The following PLEKHH3 variants were observed in gnomAD, a reference collection of about 807,000 sequenced individuals.
The protein encoded by PLEKHH3 is pleckstrin homology domain-containing family H member 3.
PLEKHH3 carries 57 observed loss-of-function variants against 77.8 expected under a neutral mutation model. That is an observed-to-expected ratio of 0.73 (90% confidence interval 0.59 to 0.91). The LOEUF (loss-of-function observed/expected upper bound fraction) is 0.91, where lower values mean the gene tolerates loss of function less well. PLEKHH3 is among the 40% of genes least tolerant of loss of function. The probability of loss-of-function intolerance (pLI) is 0.00; values close to 1 mark genes in which losing one functional copy is unlikely to be tolerated. For missense variants in PLEKHH3, 1,082 were observed against 1,091.2 expected (o/e 0.99, Z 0.12); for synonymous variants, 467 against 504.8 (o/e 0.93, Z 1.00).
intron 9 of PLEKHH3, 138 bp downstream of exon 9, chr17:42,670,856 C>G: frequency 6.6e-7 from 1 of 1,515,534 alleles, no homozygotes; most frequent in Non-Finnish European, 8.9e-7. Flanking sequence ...AAACCTGCGG[C>G]GGGCAGGTCC....
chr17:42,673,500 G>C lies in PLEKHH3; in HGVS notation c.547C>G (p.Arg183Gly), dbSNP rs748154829. 6.2e-7 allele frequency: 1 copy of C among 1,608,414 alleles called. No homozygotes were observed. The highest frequency in any genetic ancestry group is 8.5e-7 in the Non-Finnish European group (1 of 1,177,938). Residue 183 changes from arginine (R) to glycine (G), a missense_variant, in exon 5 of 13, where the codon CGC (arginine) becomes GGC (glycine). Transcript: ENST00000591022. ...RKHSVRLCSP[R>G]QAEAERWGVA... ...CCCCAGCGCTCAGCCTCTGCCTGGC[G>C]TGGGGAGCAGAGGCGGACACTGTGT...
Position 42,672,360 on chromosome 17 carries a change from C to T in PLEKHH3, c.802G>A (p.Val268Met), listed in dbSNP as rs2052722748. The T allele has an allele frequency of 5.8e-6, 9 of 1,540,402 alleles. No individual in the cohort carries two copies. Among genetic ancestry groups the T allele is most frequent in the African/African-American group, 2.7e-5 (2 of 72,994 alleles). ...PGYAPLREEA[V>M]RLFLALQALE... ...GCCTGCAGCGCCAAGAACAGCCGCA[C>T]CGCCTCCTCGCGCAGGGGTGCATAG... Residue 268 changes from valine to methionine, a missense_variant, in exon 7 of 13, where the codon GTG (valine) becomes ATG (methionine). By Grantham distance (21) the Val-to-Met change is conservative. Coordinates refer to ENST00000591022, the MANE Select transcript of PLEKHH3 (RefSeq NM_024927.5).
chr17:42,670,445 T>C, intron 10 of PLEKHH3, 69 bp from the exon 11 acceptor site: 10 of 1,464,840 alleles, frequency 6.8e-6, no homozygotes, highest in Non-Finnish European at 9.0e-6. Context: ...CCTCGCGGAA[T>C]CTGAGCAGGT....
Position 42,676,234 on chromosome 17 carries a change from G to C in PLEKHH3, c.162+168C>G. 1 of 1,397,720 alleles carries C rather than the reference G, an allele frequency of 7.2e-7. No individual in the cohort carries two copies. Among genetic ancestry groups the C allele is most frequent in the Non-Finnish European group, 9.4e-7 (1 of 1,063,458 alleles). 86.6% of individuals were successfully genotyped at this position (1,397,720 alleles called of 1,614,324 possible). A position where few individuals can be genotyped will look rare whatever the true frequency, so the allele number is the denominator to read the frequency against. On this transcript the variant is annotated intron_variant, in intron 1 of 12. Coordinates refer to ENST00000591022, the MANE Select transcript of PLEKHH3 (RefSeq NM_024927.5). This position sits in a 1 kb window ranked among gnomAD's most constrained non-coding sequence, Gnocchi z 6.6. ...AGGCCCACAGGCACATCCCGAGTAG[G>C]GCTGCTGCTCCGAGAGCTCCCGGGG...
chr17:42,671,554 C>G lies in PLEKHH3; in HGVS notation c.1081G>C (p.Glu361Gln), dbSNP rs1302673021. 1.2e-6 allele frequency: 2 copies of G among 1,608,478 alleles called. No homozygotes were observed. The highest frequency in any genetic ancestry group is 1.7e-4 in the Middle Eastern group (1 of 6,056). ...GHLLGHLERT[E>Q]QALPDSELAE... ...AGTTCCGAGTCCGGGAGTGCCTGCTCGGTCCTGGGTTAGGAGGAACCCAGG... is the reference window on the plus strand; with the variant it reads ...AGTTCCGAGTCCGGGAGTGCCTGCTGGGTCCTGGGTTAGGAGGAACCCAGG... Residue 361 changes from glutamate to glutamine, a missense_variant, in exon 8 of 13, where the codon GAG becomes CAG. Coordinates refer to ENST00000591022, the MANE Select transcript of PLEKHH3 (RefSeq NM_024927.5). The surrounding 1 kb of genome is among the most constrained non-coding windows in gnomAD (Gnocchi z 4.7).
In PLEKHH3 at chr17:42,670,020, T is replaced by C. The variant is rs753196679; in HGVS notation, c.1911A>G (p.Leu637=). The part of the protein sequence containing the change: ...AAAVLGGWKR[L]RGMGRAEAMA... ...TGGCCTCAGCTCGGCCCATGCCCCG[T>C]AGCCGCTTCCAGCCGCCCAGCACGG... is the stretch of plus-strand genomic sequence containing the variant. Residue 637 remains leucine (L), a synonymous_variant, in exon 11 of 13, where the codon CTA becomes CTG. Transcript: ENST00000591022. 6.9e-6 allele frequency: 11 copies of C among 1,583,012 alleles called. No individual in the cohort carries two copies. The highest frequency in any genetic ancestry group is 1.7e-4 in the Middle Eastern group (1 of 6,018).
Position 42,671,028 on chromosome 17 carries a change from TC to T in PLEKHH3, c.1386del (p.Thr463ProfsTer207). ...RGAQERALAGGTLVADVLTRF... is the reference protein window; with the variant it reads ...RGAQERALAGXTLVADVLTRF... ...CTGGTGAGCACGTCGGCCACGAGGG[TC>T]CCCCCAGCCAGGGCTCGCTCCTGGG... On this transcript the variant is annotated frameshift_variant, in exon 9 of 13. Transcript: ENST00000591022. LOFTEE classifies it high-confidence loss of function. This position sits in a 1 kb window ranked among gnomAD's most constrained non-coding sequence, Gnocchi z 4.7. The T allele has an allele frequency of 6.2e-7, 1 of 1,610,418 alleles. No homozygotes were observed. The highest frequency in any genetic ancestry group is 1.1e-5 in the South Asian group (1 of 90,844).
In PLEKHH3 at chr17:42,671,112, C is replaced by G. The variant is rs150495136; in HGVS notation, c.1303G>C (p.Gly435Arg). Residue 435 changes from glycine (G) to arginine (R), a missense_variant, in exon 9 of 13, where the codon GGG becomes CGG. Gly to Arg is a moderately radical substitution (Grantham distance 125). Transcript: ENST00000591022. The surrounding 1 kb of genome is among the most constrained non-coding windows in gnomAD (Gnocchi z 4.7). ...CGGCTCCGGGCCAAGCCCAGCCGCC[C>G]CACCAGCTCTCGAGCCACCTAGAAG... ...TAGEVARELV[G>R]RLGLARSRNA... 8.9e-5 allele frequency: 141 copies of G among 1,590,928 alleles called. No individual in the cohort carries two copies. In the African/African-American group the frequency reaches 1.6e-3, roughly 18 times the overall value.
At position 42,670,114 on chromosome 17, in the gene PLEKHH3, C is replaced by T; in HGVS notation, c.1817G>A (p.Arg606His). ...LAKRRAERAR[R>H]GGAGRTAGSI... Reference sequence around the variant, plus strand: ...TCCCGCAGTGCGGCCGGCCCCGCCGCGCCGGGCCCGCTCCGCCCGCCTCTT... The same window carrying T: ...TCCCGCAGTGCGGCCGGCCCCGCCGTGCCGGGCCCGCTCCGCCCGCCTCTT... The change falls in exon 11 of 13, where the codon CGC becomes CAC. Residue 606 changes from arginine to histidine, a missense_variant. Transcript: ENST00000591022. 1 of 1,307,420 alleles carries T rather than the reference C, an allele frequency of 7.6e-7. No individual in the cohort carries two copies. Among genetic ancestry groups the T allele is most frequent in the Non-Finnish European group, 9.7e-7 (1 of 1,036,012 alleles). The allele number at this position is 1,307,420 out of a possible 1,614,324, so 81.0% of individuals were successfully genotyped here. A position where few individuals can be genotyped will look rare whatever the true frequency, so the allele number is the denominator to read the frequency against.
chr17:42,676,084 G>A lies in PLEKHH3; in HGVS notation c.162+318C>T. Reference sequence around the variant, plus strand: ...CACATTCCTCGGCGCTGGCGGAGGCGGAAGGAGACGGGATGGGACGCGGGC... The same window carrying A: ...CACATTCCTCGGCGCTGGCGGAGGCAGAAGGAGACGGGATGGGACGCGGGC... On this transcript the variant is annotated intron_variant, in intron 1 of 12. Transcript: ENST00000591022. This position sits in a 1 kb window ranked among gnomAD's most constrained non-coding sequence, Gnocchi z 6.6. The A allele has an allele frequency of 8.2e-7, 1 of 1,212,232 alleles. No individual in the cohort carries two copies. Among genetic ancestry groups the A allele is most frequent in the Non-Finnish European group, 1.0e-6 (1 of 971,324 alleles). The allele number at this position is 1,212,232 out of a possible 1,614,324, so 75.1% of individuals were successfully genotyped here.
chr17:42,674,803 G>T, intron 1 of PLEKHH3: 1 of 200,620 alleles, frequency 5.0e-6, no homozygotes, highest in Non-Finnish European at 1.0e-5. Context: ...TTTGAAACAG[G>T]AGAGGTGAGC....
Position 42,676,591 on chromosome 17 carries a change from C to T in PLEKHH3, c.-28G>A. 4 of 1,543,942 alleles carry T rather than the reference C, an allele frequency of 2.6e-6. No homozygotes were observed. The highest frequency in any genetic ancestry group is 3.5e-6 in the Non-Finnish European group (4 of 1,146,662). On this transcript the variant is annotated 5_prime_UTR_variant, in exon 1 of 13. Transcript: ENST00000591022. The surrounding 1 kb of genome is among the most constrained non-coding windows in gnomAD (Gnocchi z 6.6). ...GGGCGAGGAGCTGCGGATGGGGGCGCGGGCAGCCGCGGCCGAGCAGTAGGG... is the reference window on the plus strand; with the variant it reads ...GGGCGAGGAGCTGCGGATGGGGGCGTGGGCAGCCGCGGCCGAGCAGTAGGG...
rs1473585065 is a variant in PLEKHH3 at position 42,676,600 on chromosome 17, G to A, written c.-37C>T. 5 of 1,540,396 alleles carry A rather than the reference G, an allele frequency of 3.2e-6. No homozygotes were observed. The African/African-American group carries it at 4.1e-5, about 13-fold the overall frequency. The stretch of plus-strand genomic sequence containing the variant: ...GCTGCGGATGGGGGCGCGGGCAGCC[G>A]CGGCCGAGCAGTAGGGGGTCGGAGG... On this transcript the variant is annotated 5_prime_UTR_variant, in exon 1 of 13. Coordinates refer to ENST00000591022, the MANE Select transcript of PLEKHH3 (RefSeq NM_024927.5). The surrounding 1 kb of genome is among the most constrained non-coding windows in gnomAD (Gnocchi z 6.6).
chr17:42,676,768 C>G lies in PLEKHH3; in HGVS notation c.-205G>C, dbSNP rs1397035951. Reference sequence around the variant, plus strand: ...CTGAGGGGGGCTCAGTGTCTGGGCCCCCGGAGGGGGGAGGGGGAAAAGCGT... The same window carrying G: ...CTGAGGGGGGCTCAGTGTCTGGGCCGCCGGAGGGGGGAGGGGGAAAAGCGT... On this transcript the variant is annotated 5_prime_UTR_variant, in exon 1 of 13. Coordinates refer to ENST00000591022, the MANE Select transcript of PLEKHH3 (RefSeq NM_024927.5). This position sits in a 1 kb window ranked among gnomAD's most constrained non-coding sequence, Gnocchi z 6.6. 3.3e-6 allele frequency: 2 copies of G among 607,074 alleles called. No homozygotes were observed. The highest frequency in any genetic ancestry group is 3.0e-5 in the Admixed American group (1 of 33,558). The allele number at this position is 607,074 out of a possible 1,614,324, so 37.6% of individuals were successfully genotyped here.
chr17:42,671,087 C>G lies in PLEKHH3; in HGVS notation c.1328G>C (p.Arg443Pro). The G allele has an allele frequency of 6.2e-7, 1 of 1,603,628 alleles. No homozygotes were observed. Among genetic ancestry groups the G allele is most frequent in the Non-Finnish European group, 8.5e-7 (1 of 1,173,926 alleles). ...CTGCTCGTACAGCGCGAATGCGTTG[C>G]GGCTCCGGGCCAAGCCCAGCCGCCC... Reference protein sequence around the residue: ...LVGRLGLARSRNAFALYEQRG... With the variant: ...LVGRLGLARSPNAFALYEQRG... The change falls in exon 9 of 13, where the codon CGC (arginine) becomes CCC (proline). Residue 443 changes from arginine (R) to proline (P), a missense_variant. Physicochemically the swap from Arg to Pro is moderately radical, Grantham distance 103. Transcript: ENST00000591022. The surrounding 1 kb of genome is among the most constrained non-coding windows in gnomAD (Gnocchi z 4.7).
At position 42,669,411 on chromosome 17, in the gene PLEKHH3, A is replaced by T. The variant is rs1003908161; in HGVS notation, c.2205+19T>A. 2 of 1,506,136 alleles carry T rather than the reference A, an allele frequency of 1.3e-6. No individual in the cohort carries two copies. Among genetic ancestry groups the T allele is most frequent in the Non-Finnish European group, 1.8e-6 (2 of 1,125,152 alleles). The allele number at this position is 1,506,136 out of a possible 1,614,324, so 93.3% of individuals were successfully genotyped here. A position where few individuals can be genotyped will look rare whatever the true frequency, so the allele number is the denominator to read the frequency against. On this transcript the variant is annotated intron_variant, in intron 12 of 12. Coordinates refer to ENST00000591022, the MANE Select transcript of PLEKHH3 (RefSeq NM_024927.5). The stretch of plus-strand genomic sequence containing the variant: ...CGCTTCCCTTCTCTCCTCCTCCCAC[A>T]ACTCCTCTTCTCACTCACCTGGGGG...
chr17:42,673,821 C>A lies in PLEKHH3; in HGVS notation c.312G>T (p.Arg104=). ...GCCGCGCCCCTCCTCCGCGGGGCTC[C>A]CGGTACAGCCAACCTGGGGGCCGGA... The part of the protein sequence containing the change: ...PDIVVKGWLY[R]EPRGGGARPW... The change falls in exon 4 of 13, where the codon CGG becomes CGT. Residue 104 remains arginine (R), a synonymous_variant. Transcript: ENST00000591022. 1 of 1,592,944 alleles carries A rather than the reference C, an allele frequency of 6.3e-7. No homozygotes were observed.
Position 42,674,005 on chromosome 17 carries a change from C to T in PLEKHH3, c.227G>A (p.Ser76Asn). The part of the protein sequence containing the change: ...RSGPVSNRLQ[S>N]WEETWSLIPE... Reference sequence around the variant, plus strand: ...GATGAGGCTCCAAGTCTCCTCCCAGCTCTGCAGCCTGGGCCAGAGGGGAGG... The same window carrying T: ...GATGAGGCTCCAAGTCTCCTCCCAGTTCTGCAGCCTGGGCCAGAGGGGAGG... The change falls in exon 3 of 13, where the codon AGC becomes AAC. Residue 76 changes from serine to asparagine, a missense_variant. Transcript: ENST00000591022. 6.2e-7 allele frequency: 1 copy of T among 1,613,126 alleles called. No homozygotes were observed. The highest frequency in any genetic ancestry group is 8.5e-7 in the Non-Finnish European group (1 of 1,179,844).
chr17:42,669,490 C>G lies in PLEKHH3; in HGVS notation c.2145G>C (p.Met715Ile). Reference sequence around the variant, plus strand: ...CCCTCAAGGCCAGGGTGTGGGGGCCCATTAGCTGGCAGGCGGCCACATGGC... The same window carrying G: ...CCCTCAAGGCCAGGGTGTGGGGGCCGATTAGCTGGCAGGCGGCCACATGGC... ...SYGHVAACQL[M>I]GPHTLALRVG... The change falls in exon 12 of 13, where the codon ATG becomes ATC. Residue 715 changes from methionine to isoleucine, a missense_variant. Coordinates refer to ENST00000591022, the MANE Select transcript of PLEKHH3 (RefSeq NM_024927.5). 6.2e-7 allele frequency: 1 copy of G among 1,603,466 alleles called. No individual in the cohort carries two copies. The highest frequency in any genetic ancestry group is 1.3e-5 in the African/African-American group (1 of 74,894).
Sources: allele counts gnomAD v4.1 joint callset, GRCh38; gene constraint gnomAD v4.1.1; non-coding constraint Gnocchi (gnomAD v3.1); transcripts MANE v1.5; gene names NCBI Gene and HGNC (gene_info 2026-07-23, HGNC 2026-07-21).